AP3S1: variants seen among roughly 807,000 people sequenced by gnomAD.
AP3S1 encodes the protein AP-3 complex subunit sigma-1.
Under a neutral mutation model 21.3 loss-of-function variants are expected in AP3S1, and 12 were observed. The observed-to-expected ratio is 0.56, with a 90% CI of 0.36 to 0.91. AP3S1 has a LOEUF of 0.91. AP3S1 is among the 40% of genes least tolerant of loss of function. The pLI is 0.01. For synonymous variants in AP3S1, 48 were observed against 78.4 expected (o/e 0.61, Z 2.05); for missense variants, 116 against 225.0 (o/e 0.52, Z 3.10).
intron 3 of AP3S1, among the ~76,000 whole-genome samples, chr5:115,873,996 G>A (rs1328615430): frequency 2.0e-5 from 3 of 152,044 alleles, no homozygotes; most frequent in African/African-American, 7.2e-5. Flanking sequence ...TGCATATGTT[G>A]TCCCAAATAT....
intron 3 of AP3S1, among the ~76,000 whole-genome samples, chr5:115,883,536 G>A (rs1428324230): frequency 2.0e-5 from 3 of 152,008 alleles, no homozygotes; most frequent in Non-Finnish European, 2.9e-5. Flanking sequence ...GGCTACACTC[G>A]CTATCTCACC....
chr5:115,904,185 C>T (rs1751455558), intron 5 of AP3S1: 1 of 152,200 alleles, frequency 6.6e-6, no homozygotes, highest in South Asian at 2.1e-4. Flanking sequence ...TTGGAAAAAA[C>T]AGACTTTATT....
intron 1 of AP3S1, among the ~76,000 whole-genome samples, chr5:115,849,597 C>T (rs1336824042): frequency 6.6e-6 from 1 of 152,178 alleles, no homozygotes; most frequent in African/African-American, 2.4e-5. Context: ...AGCATGTTCT[C>T]CACAAGAGGA....
chr5:115,854,679 CTTT>C (rs3984983), intron 1 of AP3S1, among the ~76,000 whole-genome samples: 2 of 144,056 alleles, frequency 1.4e-5, no homozygotes, highest in Non-Finnish European at 1.5e-5. Context: ...TCAGATATCT[CTTT>C]TTTTTTTTTT....
intron 1 of AP3S1, among the ~76,000 whole-genome samples, chr5:115,861,198 A>G (rs1202865737): frequency 6.6e-6 from 1 of 152,214 alleles, no homozygotes; most frequent in Non-Finnish European, 1.5e-5. Context: ...TAGAAGTCAT[A>G]ATGTTCTAGC....
chr5:115,891,238 A>G (rs1750271939), intron 3 of AP3S1, among the ~76,000 whole-genome samples: 1 of 151,978 alleles, frequency 6.6e-6, no homozygotes, highest in African/African-American at 2.4e-5. Flanking sequence ...AACATACAAG[A>G]TTTTTTTTGC....
At chr5:115,883,818 A>G (rs1290473368) in intron 3 of AP3S1, among the ~76,000 whole-genome samples, 2 of 152,258 alleles carry the variant, frequency 1.3e-5, no homozygotes, top group African/African-American at 2.4e-5. Flanking sequence ...TTGACAATTT[A>G]TATCAATATG....
chr5:115,871,547 A>G (rs1748250439), intron 3 of AP3S1, among the ~76,000 whole-genome samples: 1 of 152,070 alleles, frequency 6.6e-6, no homozygotes, highest in African/African-American at 2.4e-5. Context: ...AGTTTTAAAA[A>G]TCCATCATTT....
chr5:115,849,781 C>G (rs996165088), intron 1 of AP3S1, among the ~76,000 whole-genome samples: 2 of 152,062 alleles, frequency 1.3e-5, no homozygotes, highest in South Asian at 2.1e-4. Flanking sequence ...TGCATCAAAA[C>G]CAGGCATGGT....
chr5:115,848,698 AG>A (rs1419649432), intron 1 of AP3S1, among the ~76,000 whole-genome samples: 1 of 152,190 alleles, frequency 6.6e-6, no homozygotes, highest in Non-Finnish European at 1.5e-5. Context: ...TTATAATTCA[AG>A]GTGATTCTGA....
chr5:115,848,290 C>G (rs768068175), intron 1 of AP3S1, among the ~76,000 whole-genome samples: 2 of 151,974 alleles, frequency 1.3e-5, no homozygotes, highest in Non-Finnish European at 2.9e-5. Flanking sequence ...TCCCCCCGGT[C>G]TTTATTTTTC....
chr5:115,873,472 T>C (rs1028238091), intron 3 of AP3S1, among the ~76,000 whole-genome samples: 1 of 152,138 alleles, frequency 6.6e-6, no homozygotes, highest in African/African-American at 2.4e-5. Flanking sequence ...TGCTGATGTA[T>C]TGTGTCACAA....
chr5:115,890,304 G>T (rs183975222), intron 3 of AP3S1, among the ~76,000 whole-genome samples: 2 of 152,260 alleles, frequency 1.3e-5, no homozygotes, highest in Non-Finnish European at 2.9e-5. Context: ...TAATTCAGTG[G>T]CATACTGTAC....
At chr5:115,866,271 T>C (rs1391597245) in intron 1 of AP3S1, among the ~76,000 whole-genome samples, 1 of 152,226 alleles carries the variant, frequency 6.6e-6, no homozygotes, top group African/African-American at 2.4e-5. Context: ...GTTCTATTTC[T>C]TTCCTCCATT....
intron 1 of AP3S1, among the ~76,000 whole-genome samples, chr5:115,860,151 A>G (rs1216696235): frequency 6.6e-6 from 1 of 152,190 alleles, no homozygotes; most frequent in Non-Finnish European, 1.5e-5. Context: ...CTCCATGTTC[A>G]TAGCCAGCGG....
chr5:115,902,086 G>C (rs1170281507), intron 4 of AP3S1, among the ~76,000 whole-genome samples: 6 of 152,112 alleles, frequency 3.9e-5, no homozygotes, highest in Non-Finnish European at 8.8e-5. Context: ...AACTGCTCAA[G>C]GGCTACAAGT....
At chr5:115,842,471 GCGCGGCTGCCTTCCTGCCGCC>G (rs1761672293) in intron 1 of AP3S1, 4 of 186,212 alleles carry the variant, frequency 2.1e-5, no homozygotes, top group Admixed American at 6.2e-5. Flanking sequence ...AGCCCACCCC[GCGCGGCTGCCTTCCTGCCGCC>G]CGCGGCTGCA....
chr5:115,872,465 T>A (rs757336540), intron 3 of AP3S1, among the ~76,000 whole-genome samples: 7 of 152,148 alleles, frequency 4.6e-5, no homozygotes, highest in African/African-American at 7.2e-5. Flanking sequence ...GGTATATGTT[T>A]CTTCTTTGTT....
intron 4 of AP3S1, among the ~76,000 whole-genome samples, chr5:115,896,432 A>G (rs1030013121): frequency 2.0e-5 from 3 of 152,110 alleles, no homozygotes; most frequent in African/African-American, 7.2e-5. Flanking sequence ...ATGCTTTTTC[A>G]CACTTACAAA....
Sources: allele counts gnomAD v4.1 joint callset (sites outside exome capture counted in the v4.1 genomes callset), GRCh38; gene constraint gnomAD v4.1.1; transcripts MANE v1.5; gene names NCBI Gene and HGNC (gene_info 2026-07-23, HGNC 2026-07-21).